Variants in CTNNA3 observed in about 807,000 individuals in gnomAD.
CTNNA3 encodes catenin alpha 3, also known as catenin alpha-3.
Under a neutral mutation model 95.7 loss-of-function variants are expected in CTNNA3, and 76 were observed. The observed-to-expected ratio is 0.79, with a 90% confidence interval of 0.66 to 0.96. The LOEUF (loss-of-function observed/expected upper bound fraction) is 0.96, where lower values mean the gene tolerates loss of function less well. Among genes scored for constraint, CTNNA3 ranks in the 40% least tolerant of loss-of-function variants. CTNNA3 has a pLI of 0.00. For synonymous variants in CTNNA3, 431 were observed against 374.4 expected (o/e 1.15, Z -1.74); for missense variants, 1,191 against 1,089.8 (o/e 1.09, Z -1.31).
chr10:66,231,132 T>C (rs2089568502), intron 13 of CTNNA3, among the ~76,000 whole-genome samples: 2 of 152,138 alleles, frequency 1.3e-5, no homozygotes, highest in Admixed American at 6.5e-5. Flanking sequence ...CTCTCTATAC[T>C]TGACTCAGCT....
intron 5 of CTNNA3, among the ~76,000 whole-genome samples, chr10:67,253,934 G>GA (rs1188567330): frequency 6.6e-6 from 1 of 152,074 alleles, no homozygotes; most frequent in Non-Finnish European, 1.5e-5. Flanking sequence ...AATGAACTAC[G>GA]AAAAATATGT....
chr10:66,144,191 A>C (rs185006635), intron 13 of CTNNA3, among the ~76,000 whole-genome samples: 3 of 152,342 alleles, frequency 2.0e-5, no homozygotes, highest in East Asian at 3.9e-4. Flanking sequence ...AATTGAGAGC[A>C]AAATGGAATT....
chr10:66,926,427 A>G (rs529946760), intron 7 of CTNNA3: 1 of 738,854 alleles, frequency 1.4e-6, no homozygotes, highest in East Asian at 2.5e-5. Flanking sequence ...GCAAAGAATA[A>G]TGTTCCAAAA....
intron 7 of CTNNA3, among the ~76,000 whole-genome samples, chr10:66,837,288 A>G (rs961911776): frequency 6.6e-6 from 1 of 152,170 alleles, no homozygotes; most frequent in Admixed American, 6.5e-5. Flanking sequence ...CATTTGAACA[A>G]CAATTTTCTC....
intron 5 of CTNNA3, among the ~76,000 whole-genome samples, chr10:67,352,702 C>T (rs1589202927): frequency 6.6e-6 from 1 of 151,926 alleles, no homozygotes; most frequent in African/African-American, 2.4e-5. Context: ...CCAGTACTCT[C>T]ACAACGGATT....
intron 13 of CTNNA3, among the ~76,000 whole-genome samples, chr10:66,137,688 C>T (rs957736593): frequency 6.6e-6 from 1 of 152,028 alleles, no homozygotes; most frequent in Admixed American, 6.6e-5. Context: ...TGCCTCATGC[C>T]TTAACCCCAG....
chr10:67,130,106 C>T (rs1859920728), intron 7 of CTNNA3, among the ~76,000 whole-genome samples: 1 of 152,094 alleles, frequency 6.6e-6, no homozygotes. Flanking sequence ...AAGCACCCAT[C>T]ACCATTCCTT....
At chr10:66,367,247 C>T (rs1202770447) in intron 12 of CTNNA3, among the ~76,000 whole-genome samples, 4 of 152,044 alleles carry the variant, frequency 2.6e-5, no homozygotes, top group Non-Finnish European at 1.5e-5. Flanking sequence ...CTCTTGGTAC[C>T]AACAAGGTGA....
chr10:67,054,106 A>C (rs1486090821), intron 7 of CTNNA3, among the ~76,000 whole-genome samples: 1 of 152,192 alleles, frequency 6.6e-6, no homozygotes, highest in East Asian at 1.9e-4. Context: ...CTTAGTATCC[A>C]TCGCTCCTTT....
At chr10:67,660,506 A>G (rs530518169) in intron 1 of CTNNA3, among the ~76,000 whole-genome samples, 13 of 152,038 alleles carry the variant, frequency 8.6e-5, no homozygotes, top group Non-Finnish European at 1.9e-4. Context: ...AGCCACAAAC[A>G]CTCATCTTCA....
intron 9 of CTNNA3, among the ~76,000 whole-genome samples, chr10:66,671,440 T>C (rs967236138): frequency 2.0e-5 from 3 of 152,114 alleles, no homozygotes; most frequent in Admixed American, 6.6e-5. Context: ...TAAATGAAGA[T>C]ACTCAGTTAA....
At chr10:67,023,146 T>C (rs1386383083) in intron 7 of CTNNA3, among the ~76,000 whole-genome samples, 1 of 152,154 alleles carries the variant, frequency 6.6e-6, no homozygotes, top group Non-Finnish European at 1.5e-5. Context: ...AAGTAGATTC[T>C]AATATTTATG....
At chr10:66,530,083 C>T (rs925469026) in intron 10 of CTNNA3, among the ~76,000 whole-genome samples, 7 of 152,046 alleles carry the variant, frequency 4.6e-5, no homozygotes, top group African/African-American at 1.4e-4. Context: ...AATAAATCTA[C>T]GTAATTTAAT....
chr10:65,962,510 C>T (rs936914773), intron 17 of CTNNA3, among the ~76,000 whole-genome samples: 1 of 152,026 alleles, frequency 6.6e-6, no homozygotes, highest in Non-Finnish European at 1.5e-5. Context: ...CCTTTCCATT[C>T]TCATCAATAT....
Position 67,740,900 on chromosome 10 carries a change from G to C in CTNNA3, c.-2+22534C>G, listed in dbSNP as rs932829385. Among the ~76,000 whole-genome samples, 24 of 151,260 alleles carry C rather than the reference G, an allele frequency of 1.6e-4. 1 individual carries two copies. Among genetic ancestry groups the C allele is most frequent in the African/African-American group, 5.8e-4 (24 of 41,250 alleles). On this transcript the variant is annotated intron_variant, in intron 1 of 17. Transcript: ENST00000684154. ...CACTATTCACAATAGCAAAGACTTG[G>C]AACCAACCCAAATGTCCAACAATGA...
chr10:66,582,343 A>AT (rs2132201325), intron 10 of CTNNA3, among the ~76,000 whole-genome samples: 1 of 151,740 alleles, frequency 6.6e-6, no homozygotes, highest in African/African-American at 2.4e-5. Flanking sequence ...TTTTTCTTGT[A>AT]GAGATACTAC....
intron 12 of CTNNA3, among the ~76,000 whole-genome samples, chr10:66,293,362 T>C (rs1371886924): frequency 1.3e-5 from 2 of 152,012 alleles, no homozygotes; most frequent in Admixed American, 1.3e-4. Context: ...GAGAATCATA[T>C]AAAGCTTCAG....
intron 12 of CTNNA3, among the ~76,000 whole-genome samples, chr10:66,285,269 C>A (rs1269793242): frequency 6.6e-6 from 1 of 151,888 alleles, no homozygotes; most frequent in Non-Finnish European, 1.5e-5. Context: ...GAAGCTGATA[C>A]ATTATGTTTT....
intron 1 of CTNNA3, among the ~76,000 whole-genome samples, chr10:67,734,236 A>G (rs963803581): frequency 6.6e-6 from 1 of 152,182 alleles, no homozygotes; most frequent in African/African-American, 2.4e-5. Context: ...ATATAAAGCC[A>G]AGAACTCTGT....
Sources: allele counts gnomAD v4.1 joint callset (sites outside exome capture counted in the v4.1 genomes callset), GRCh38; gene constraint gnomAD v4.1.1; transcripts MANE v1.5; gene names NCBI Gene and HGNC (gene_info 2026-07-23, HGNC 2026-07-21).